RFX4: variants seen among roughly 807,000 people sequenced by gnomAD.
RFX4 encodes the protein transcription factor RFX4.
Under a neutral mutation model 95.0 loss-of-function variants are expected in RFX4, and 10 were observed. The ratio of observed to expected loss-of-function variants is 0.11; its 90% CI spans 0.06 to 0.18. The LOEUF (loss-of-function observed/expected upper bound fraction) is 0.18. Ranked by LOEUF, RFX4 falls within the 10% of genes least tolerant of loss-of-function variation. RFX4 has a pLI of 1.00. For missense variants in RFX4, 640 were observed against 922.0 expected, an observed-to-expected ratio of 0.69 and a Z score of 3.96; for synonymous variants, 321 against 340.7, an observed-to-expected ratio of 0.94 and a Z score of 0.64.
At chr12:106,629,482 G>GTTTTGT (rs2040372361) in intron 2 of RFX4, among the ~76,000 whole-genome samples, 1 of 151,946 alleles carries the variant, frequency 6.6e-6, no homozygotes, top group South Asian at 2.1e-4. Flanking sequence ...GTTTTGTTTT[G>GTTTTGT]TTTTGTTTTT....
In RFX4 at chr12:106,685,648, G is replaced by T. The variant is rs543949941; in HGVS notation, c.378-1236G>T. Among the ~76,000 whole-genome samples, 5 of 152,288 alleles carry T rather than the reference G, an allele frequency of 3.3e-5. No homozygotes were observed. In the East Asian group the frequency reaches 9.6e-4, roughly 29 times the overall value. The stretch of plus-strand genomic sequence containing the variant: ...TGTATTTTTATTAAACTTTAAAAAT[G>T]ATTCTGATAAGATCAAAGTTTATAA... On this transcript the variant is annotated intron_variant, in intron 5 of 17. Transcript: ENST00000392842.
At chr12:106,641,684 A>G (rs1298260642) in intron 3 of RFX4, among the ~76,000 whole-genome samples, 2 of 152,228 alleles carry the variant, frequency 1.3e-5, no homozygotes, top group Non-Finnish European at 2.9e-5. Context: ...AAGCCAAACC[A>G]AATCTGAGAA....
At chr12:106,750,213 A>T (rs902422956) in intron 16 of RFX4, among the ~76,000 whole-genome samples, 1 of 152,190 alleles carries the variant, frequency 6.6e-6, no homozygotes, top group Non-Finnish European at 1.5e-5. Flanking sequence ...ACGGTAGCTC[A>T]TGCCTGTAAT....
At chr12:106,617,814 C>T (rs946845451) in intron 2 of RFX4, among the ~76,000 whole-genome samples, 2 of 152,188 alleles carry the variant, frequency 1.3e-5, no homozygotes, top group Non-Finnish European at 2.9e-5. Context: ...GTAGCCTCTG[C>T]CTCCCAGGTT....
intron 4 of RFX4, among the ~76,000 whole-genome samples, chr12:106,659,572 A>G (rs925559550): frequency 1.3e-5 from 2 of 152,212 alleles, no homozygotes; most frequent in East Asian, 3.8e-4. Flanking sequence ...CATACGATTA[A>G]AGAGCAAACA....
intron 4 of RFX4, 150 bp downstream of exon 4, chr12:106,654,501 T>G (rs753640478): frequency 1.1e-6 from 1 of 880,548 alleles, no homozygotes; most frequent in Non-Finnish European, 1.6e-6. Context: ...ACTGTAATAC[T>G]TTGCTATCAA....
intron 3 of RFX4, among the ~76,000 whole-genome samples, chr12:106,647,285 T>C (rs1287611857): frequency 6.6e-6 from 1 of 152,028 alleles, no homozygotes; most frequent in Non-Finnish European, 1.5e-5. Flanking sequence ...CATACCTGAG[T>C]TCATACTTTT....
intron 5 of RFX4, 22 bp from the exon 6 acceptor site, chr12:106,686,860 TCC>T (rs55658229): frequency 0.35 from 546,474 of 1,576,470 alleles, 95,179 homozygotes; most frequent in African/African-American, 0.38. Context: ...TTTCTCTCTC[TCC>T]CTCCCTCCCC....
intron 3 of RFX4, among the ~76,000 whole-genome samples, chr12:106,647,891 G>C (rs986071630): frequency 6.6e-6 from 1 of 152,106 alleles, no homozygotes; most frequent in Non-Finnish European, 1.5e-5. Flanking sequence ...CAAGTAACGT[G>C]CCCCAGGCTA....
At chr12:106,753,186 T>C (rs1489774778) in intron 17 of RFX4, among the ~76,000 whole-genome samples, 1 of 152,170 alleles carries the variant, frequency 6.6e-6, no homozygotes, top group African/African-American at 2.4e-5. Context: ...CTTTCTGGCC[T>C]ACTCACAAAC....
At chr12:106,643,480 C>T (rs1030658001) in intron 3 of RFX4, among the ~76,000 whole-genome samples, 4 of 152,176 alleles carry the variant, frequency 2.6e-5, no homozygotes, top group African/African-American at 9.7e-5. Context: ...GTGTGGAGAA[C>T]ATGTGACCTC....
intron 2 of RFX4, among the ~76,000 whole-genome samples, chr12:106,610,076 T>C (rs1351398676): frequency 6.6e-6 from 1 of 151,982 alleles, no homozygotes; most frequent in East Asian, 1.9e-4. Context: ...CTTTTAAGTG[T>C]TGATGAATAT....
intron 4 of RFX4, among the ~76,000 whole-genome samples, chr12:106,679,765 C>G (rs1174636241): frequency 6.6e-6 from 1 of 152,184 alleles, no homozygotes; most frequent in Non-Finnish European, 1.5e-5. Flanking sequence ...TTGTGAACAG[C>G]TGCTTCAAAT....
At chr12:106,642,704 C>T (rs994992600) in intron 3 of RFX4, among the ~76,000 whole-genome samples, 3 of 152,136 alleles carry the variant, frequency 2.0e-5, no homozygotes, top group Admixed American at 6.5e-5. Flanking sequence ...TTGGCTAATA[C>T]GATAGTGTCT....
At chr12:106,668,888 A>G (rs532046279) in intron 4 of RFX4, among the ~76,000 whole-genome samples, 1 of 152,332 alleles carries the variant, frequency 6.6e-6, no homozygotes, top group Admixed American at 6.5e-5. Context: ...TTTCAGGAAA[A>G]GGCTGGCTTA....
At chr12:106,607,606 C>T (rs1349123976) in intron 1 of RFX4, among the ~76,000 whole-genome samples, 2 of 152,022 alleles carry the variant, frequency 1.3e-5, no homozygotes, top group Non-Finnish European at 2.9e-5. Flanking sequence ...TCTGCATTCA[C>T]CTAATTTTTT....
At position 106,761,496 on chromosome 12, in the gene RFX4, TATTAATAATAATA is replaced by T. The variant is rs760639641; in HGVS notation, c.*43_*55del. The T allele has an allele frequency of 1.0e-5, 14 of 1,365,350 alleles. 1 individual carries two copies. Among genetic ancestry groups the T allele is most frequent in the Middle Eastern group, 2.2e-4 (1 of 4,482 alleles). The allele number at this position is 1,365,350 out of a possible 1,614,324, so 84.6% of individuals were successfully genotyped here. A position where few individuals can be genotyped will look rare whatever the true frequency, so the allele number is the denominator to read the frequency against. On this transcript the variant is annotated 3_prime_UTR_variant, in exon 18 of 18. Coordinates refer to ENST00000392842, the MANE Select transcript of RFX4 (RefSeq NM_213594.3). ...TGCTATCATAGGCATCCATATTTAATATTAATAATAATAATTAATAATAATAATAAACCCAACA... is the reference window on the plus strand; with the variant it reads ...TGCTATCATAGGCATCCATATTTAATATTAATAATAATAATAAACCCAACA...
chr12:106,612,442 G>A (rs2039979348), intron 2 of RFX4, among the ~76,000 whole-genome samples: 1 of 152,076 alleles, frequency 6.6e-6, no homozygotes, highest in Non-Finnish European at 1.5e-5. Flanking sequence ...ACTGATTATT[G>A]TGTGCTGATT....
intron 1 of RFX4, among the ~76,000 whole-genome samples, chr12:106,594,570 C>G (rs1376847536): frequency 6.6e-6 from 1 of 152,226 alleles, no homozygotes. Context: ...CTCGCCTCGG[C>G]TGCCTCACAG....
Sources: gnomAD v4.1 joint callset for allele counts (sites outside exome capture counted in the v4.1 genomes callset) on GRCh38, gnomAD v4.1.1 for gene constraint, MANE v1.5 for transcripts, NCBI Gene and HGNC (gene_info 2026-07-23, HGNC 2026-07-21) for gene names.